CYFIP1: variants seen among roughly 807,000 people sequenced by gnomAD.
The protein encoded by CYFIP1 is cytoplasmic FMR1-interacting protein 1.
In CYFIP1, 58 loss-of-function variants were observed where a neutral mutation model predicts 163.5. That is an observed-to-expected ratio of 0.35 (90% CI 0.29 to 0.44). The LOEUF is 0.44. CYFIP1 is among the 20% of genes least tolerant of loss of function. CYFIP1 has a pLI of 1.00. For synonymous variants in CYFIP1, 663 were observed against 660.7 expected, an observed-to-expected ratio of 1.00 and a Z score of -0.05; for missense variants, 1,338 against 1,653.8, an observed-to-expected ratio of 0.81 and a Z score of 3.31.
chr15:22,875,897 T>TATATATATAA (rs2059573851), intron 26 of CYFIP1, among the ~76,000 whole-genome samples: 1 of 147,722 alleles, frequency 6.8e-6, no homozygotes, highest in East Asian at 2.0e-4. Context: ...TATATATATA[T>TATATATATAA]AAAGAAAATG....
At chr15:22,873,977 C>T (rs1402019584) in intron 28 of CYFIP1, among the ~76,000 whole-genome samples, 1 of 152,182 alleles carries the variant, frequency 6.6e-6, no homozygotes, top group Non-Finnish European at 1.5e-5. Flanking sequence ...AGGCTGGTCT[C>T]AAACTCCTGT....
chr15:22,887,429 G>A (rs1939813295), intron 23 of CYFIP1, among the ~76,000 whole-genome samples: 1 of 152,190 alleles, frequency 6.6e-6, no homozygotes, highest in Admixed American at 6.6e-5. Flanking sequence ...TTTATGTGCT[G>A]GGATTCTGTG....
chr15:22,939,076 T>TGCAATAA, intron 8 of CYFIP1, 116 bp downstream of exon 8: 1 of 1,324,832 alleles, frequency 7.5e-7, no homozygotes, highest in East Asian at 2.3e-5. Context: ...TGTTCACACA[T>TGCAATAA]GACAGCATGC....
intron 23 of CYFIP1, 92 bp from the exon 24 acceptor site, chr15:22,883,103 T>G: frequency 4.1e-6 from 6 of 1,474,812 alleles, no homozygotes; most frequent in Non-Finnish European, 5.6e-6. Context: ...ACACACAGGC[T>G]CAGGTGAGCG....
In CYFIP1 at chr15:22,867,398, A is replaced by C; in HGVS notation, c.*2630T>G. Reference sequence around the variant, plus strand: ...ACCTCTTTCTTACAAAACAAAAAAAAGGGCAGAAATCACCCCAAGGAACGA... The same window carrying C: ...ACCTCTTTCTTACAAAACAAAAAAACGGGCAGAAATCACCCCAAGGAACGA... On this transcript the variant is annotated 3_prime_UTR_variant, in exon 31 of 31. Transcript: ENST00000617928. 5.2e-6 allele frequency: 2 copies of C among 385,586 alleles called. No individual in the cohort carries two copies. The highest frequency in any genetic ancestry group is 9.1e-6 in the Non-Finnish European group (2 of 218,850). The allele number at this position is 385,586 out of a possible 1,614,324, so 23.9% of individuals were successfully genotyped here.
At position 22,902,401 on chromosome 15, in the gene CYFIP1, A is replaced by G. The variant is rs551817104; in HGVS notation, c.2588+1305T>C. ...GCAGGGGTGCAGACTCGGGATGGAGAGGCCGAGGGCCGCCCATGCCTCACT... is the reference window on the plus strand; with the variant it reads ...GCAGGGGTGCAGACTCGGGATGGAGGGGCCGAGGGCCGCCCATGCCTCACT... On this transcript the variant is annotated intron_variant, in intron 22 of 30. Coordinates refer to ENST00000617928, the MANE Select transcript of CYFIP1 (RefSeq NM_014608.6). Among the ~76,000 whole-genome samples, 3 of 152,284 alleles carry G rather than the reference A, an allele frequency of 2.0e-5. No individual in the cohort carries two copies. In the South Asian group the frequency reaches 6.2e-4, roughly 32 times the overall value.
Position 22,883,657 on chromosome 15 carries a change from T to A in CYFIP1, c.2677-646A>T, listed in dbSNP as rs368300163. Among the ~76,000 whole-genome samples, 560 of 151,632 alleles carry A rather than the reference T, an allele frequency of 3.7e-3. 3 individuals carry two copies. The highest frequency in any genetic ancestry group is 9.2e-3 in the East Asian group (47 of 5,134). ...ACGGTGAAACCCCGTCTCTACTAAA[T>A]ATACAAAAAATTAGCCGGGCGTGGT... is the stretch of plus-strand genomic sequence containing the variant. On this transcript the variant is annotated intron_variant, in intron 23 of 30. Coordinates refer to ENST00000617928, the MANE Select transcript of CYFIP1 (RefSeq NM_014608.6).
intron 23 of CYFIP1, among the ~76,000 whole-genome samples, chr15:22,887,832 C>G (rs1422749235): frequency 1.3e-5 from 2 of 152,168 alleles, no homozygotes; most frequent in African/African-American, 2.4e-5. Context: ...GATGTCCAGT[C>G]ACACAGCTCA....
chr15:22,887,866 G>A (rs1000986251), intron 23 of CYFIP1, among the ~76,000 whole-genome samples: 1 of 152,132 alleles, frequency 6.6e-6, no homozygotes, highest in Non-Finnish European at 1.5e-5. Context: ...TCTGCTGCCC[G>A]TGCCTGATAC....
rs756520936 is a variant in CYFIP1 at position 22,917,058 on chromosome 15, C to G, written c.1675-428G>C. 2.0e-6 allele frequency: 3 copies of G among 1,511,526 alleles called. No homozygotes were observed. Among genetic ancestry groups the G allele is most frequent in the Non-Finnish European group, 2.7e-6 (3 of 1,129,534 alleles). 93.6% of individuals were successfully genotyped at this position (1,511,526 alleles called of 1,614,324 possible). On this transcript the variant is annotated intron_variant, in intron 15 of 30. Transcript: ENST00000617928. This position sits in a 1 kb window ranked among gnomAD's most constrained non-coding sequence, Gnocchi z 4.2. ...GACACGGACAGACAGGAGGGAGAGGCAGGAGAGAGACGTTAGTCACTCGAC... is the reference window on the plus strand; with the variant it reads ...GACACGGACAGACAGGAGGGAGAGGGAGGAGAGAGACGTTAGTCACTCGAC...
At position 22,953,746 on chromosome 15, in the gene CYFIP1, G is replaced by A. The variant is rs550729753; in HGVS notation, c.-6-6455C>T. On this transcript the variant is annotated intron_variant, in intron 1 of 30. Coordinates refer to ENST00000617928, the MANE Select transcript of CYFIP1 (RefSeq NM_014608.6). Reference sequence around the variant, plus strand: ...ACTGTTCTGCCGGTGCTACTAGCCAGCACTTTAGAGTTTAACAATAGGATC... The same window carrying A: ...ACTGTTCTGCCGGTGCTACTAGCCAACACTTTAGAGTTTAACAATAGGATC... 3.9e-5 allele frequency among the ~76,000 whole-genome samples: 6 copies of A among 152,326 alleles called. No individual in the cohort carries two copies. In the South Asian group the frequency reaches 1.0e-3, roughly 26 times the overall value.
At chr15:22,933,156 C>G (rs547033244) in intron 10 of CYFIP1, among the ~76,000 whole-genome samples, 1 of 150,344 alleles carries the variant, frequency 6.7e-6, no homozygotes, top group Non-Finnish European at 1.5e-5. Flanking sequence ...TTTAAGACAA[C>G]CTTTTTAAAC....
At chr15:22,952,352 A>C (rs2062280038) in intron 1 of CYFIP1, among the ~76,000 whole-genome samples, 1 of 152,074 alleles carries the variant, frequency 6.6e-6, no homozygotes, top group South Asian at 2.1e-4. Context: ...ACTGAGCTGT[A>C]CACTTAAAAT....
intron 30 of CYFIP1, 174 bp downstream of exon 30, chr15:22,872,651 C>G: frequency 1.6e-6 from 1 of 621,992 alleles, no homozygotes; most frequent in Non-Finnish European, 2.8e-6. Flanking sequence ...CTCTGCCAGA[C>G]TGCTTTACTG....
chr15:22,934,787 C>A (rs111785214), intron 9 of CYFIP1, among the ~76,000 whole-genome samples: 1 of 151,942 alleles, frequency 6.6e-6, no homozygotes, highest in Admixed American at 6.6e-5. Flanking sequence ...CATAAGCCAC[C>A]GTGCCCAGCC....
At chr15:22,951,207 C>T in intron 1 of CYFIP1, 1 of 545,134 alleles carries the variant, frequency 1.8e-6, no homozygotes, top group Non-Finnish European at 2.5e-6. Context: ...ACCGGCCGCA[C>T]CGCCAGCCAC....
At chr15:22,913,890 AC>A (rs1187983941) in intron 17 of CYFIP1, among the ~76,000 whole-genome samples, 1 of 152,184 alleles carries the variant, frequency 6.6e-6, no homozygotes, top group Non-Finnish European at 1.5e-5. Flanking sequence ...GACTGCCCTT[AC>A]CATCTCCTGG....
rs2059349726 is a variant in CYFIP1 at position 22,869,273 on chromosome 15, A to G, written c.*755T>C. On this transcript the variant is annotated 3_prime_UTR_variant, in exon 31 of 31. Coordinates refer to ENST00000617928, the MANE Select transcript of CYFIP1 (RefSeq NM_014608.6). ...AGCCAACACGGCCGTTTTACACCTC[A>G]TTTGCCTGCGGAACCCTAAATATAA... 6.6e-6 allele frequency: 1 copy of G among 151,808 alleles called. No homozygotes were observed. The highest frequency in any genetic ancestry group is 6.6e-5 in the Admixed American group (1 of 15,264). The allele number at this position is 151,808 out of a possible 1,614,324, so 9.4% of individuals were successfully genotyped here.
chr15:22,916,337 G>A (rs1002358528), intron 16 of CYFIP1, 140 bp downstream of exon 16: 15 of 674,554 alleles, frequency 2.2e-5, no homozygotes, highest in East Asian at 7.9e-5. Context: ...TACAGCCACC[G>A]CCACAGAGGG....
Sources: allele counts gnomAD v4.1 joint callset (sites outside exome capture counted in the v4.1 genomes callset), GRCh38; gene constraint gnomAD v4.1.1; non-coding constraint Gnocchi (gnomAD v3.1); transcripts MANE v1.5; gene names NCBI Gene and HGNC (gene_info 2026-07-23, HGNC 2026-07-21).